The following PLCB1 variants were observed in gnomAD, a reference collection of about 807,000 sequenced individuals.
The protein encoded by PLCB1 is phospholipase C beta 1.
In PLCB1, 46 loss-of-function variants were observed where a neutral mutation model predicts 161.8. The ratio of observed to expected loss-of-function variants is 0.28; its 90% CI spans 0.22 to 0.36. The LOEUF is 0.36. Among genes scored for constraint, PLCB1 ranks in the 10% least tolerant of loss-of-function variants. The pLI is 1.00. For synonymous variants in PLCB1, 517 were observed against 503.7 expected (o/e 1.03, Z -0.35); for missense variants, 1,016 against 1,472.5 (o/e 0.69, Z 5.07).
intron 2 of PLCB1, among the ~76,000 whole-genome samples, chr20:8,356,426 A>C (rs886260922): frequency 6.6e-6 from 1 of 152,156 alleles, no homozygotes. Flanking sequence ...TAACCAGATG[A>C]TGTGATGCTG....
At chr20:8,268,209 A>G (rs1478726050) in intron 2 of PLCB1, among the ~76,000 whole-genome samples, 1 of 152,032 alleles carries the variant, frequency 6.6e-6, no homozygotes, top group East Asian at 1.9e-4. Context: ...AAGTGAGAAC[A>G]TGCGGTGTTT....
rs529531262 is a variant in PLCB1, at chr20:8,549,114, T to G, written c.247-79180T>G. Among the ~76,000 whole-genome samples, 5 of 152,258 alleles carry G rather than the reference T, an allele frequency of 3.3e-5. No individual in the cohort carries two copies. The South Asian group carries it at 1.0e-3, about 32-fold the overall frequency. On this transcript the variant is annotated intron_variant, in intron 3 of 31. Transcript: ENST00000338037. ...AACCACCATGGCACATGTATACCTATGTAACAAGCCTGCATGTTCTGCACA... is the reference window on the plus strand; with the variant it reads ...AACCACCATGGCACATGTATACCTAGGTAACAAGCCTGCATGTTCTGCACA...
intron 15 of PLCB1, among the ~76,000 whole-genome samples, chr20:8,723,662 A>G (rs1006758373): frequency 1.3e-5 from 2 of 152,192 alleles, no homozygotes; most frequent in African/African-American, 2.4e-5. Flanking sequence ...TATATGCTGT[A>G]GGAACTGATT....
chr20:8,612,101 A>G lies in PLCB1; in HGVS notation c.247-16193A>G, dbSNP rs188960474. ...GCATTTATCCCTTTGTCCTAAAAGG[A>G]TCTACGTATTTTCCTCTTCTACCAG... On this transcript the variant is annotated intron_variant, in intron 3 of 31. Coordinates refer to ENST00000338037, the MANE Select transcript of PLCB1 (RefSeq NM_015192.4). 8.0e-3 allele frequency among the ~76,000 whole-genome samples: 1,221 copies of G among 152,218 alleles called. 11 individuals are homozygous for G. Among genetic ancestry groups the G allele is most frequent in the Non-Finnish European group, 9.0e-3 (610 of 68,008 alleles).
intron 4 of PLCB1, among the ~76,000 whole-genome samples, chr20:8,642,612 A>G (rs1318450736): frequency 6.6e-6 from 1 of 152,258 alleles, no homozygotes; most frequent in African/African-American, 2.4e-5. Context: ...ATATTAAAAA[A>G]TAGGACCTTT....
rs1983595733 is a variant in PLCB1 at position 8,788,478 on chromosome 20, A to G, written c.3141A>G (p.Glu1047=). 3.1e-6 allele frequency: 5 copies of G among 1,613,794 alleles called. No individual in the cohort carries two copies. Among genetic ancestry groups the G allele is most frequent in the Non-Finnish European group, 4.2e-6 (5 of 1,179,912 alleles). ...LLIQKLTDVA[E]ECQNNQLKKL... ...TTCAAAAGTTGACGGATGTCGCAGA[A>G]GAGTGTCAGAACAATCAGTTAAAGA... Residue 1047 remains glutamate (E), a synonymous_variant, in exon 28 of 32, where the codon GAA becomes GAG. Coordinates refer to ENST00000338037, the MANE Select transcript of PLCB1 (RefSeq NM_015192.4).
chr20:8,147,665 T>C (rs1445635128), intron 1 of PLCB1, among the ~76,000 whole-genome samples: 2 of 152,166 alleles, frequency 1.3e-5, no homozygotes, highest in Non-Finnish European at 2.9e-5. Flanking sequence ...GATCTTGGAA[T>C]GTTAGAGGTG....
intron 2 of PLCB1, among the ~76,000 whole-genome samples, chr20:8,256,562 C>T (rs1981428716): frequency 6.6e-6 from 1 of 152,072 alleles, no homozygotes; most frequent in Non-Finnish European, 1.5e-5. Flanking sequence ...TAGGAGGTCA[C>T]AGGCCAGCCC....
chr20:8,192,534 A>G (rs961907556), intron 2 of PLCB1, among the ~76,000 whole-genome samples: 3 of 151,608 alleles, frequency 2.0e-5, no homozygotes, highest in African/African-American at 7.3e-5. Context: ...TAAGAATGCA[A>G]CATCATCTGC....
At chr20:8,157,880 C>A (rs888890303) in intron 2 of PLCB1, among the ~76,000 whole-genome samples, 3 of 152,176 alleles carry the variant, frequency 2.0e-5, no homozygotes, top group Non-Finnish European at 2.9e-5. Context: ...TCATTATGGG[C>A]ATAACAACAG....
At chr20:8,162,531 C>T (rs2051636670) in intron 2 of PLCB1, among the ~76,000 whole-genome samples, 1 of 152,184 alleles carries the variant, frequency 6.6e-6, no homozygotes, top group Non-Finnish European at 1.5e-5. Flanking sequence ...CCTTTCATCA[C>T]CTCTACATGA....
At chr20:8,732,624 G>GAATTAGA (rs11472797) in intron 18 of PLCB1, among the ~76,000 whole-genome samples, 48,400 of 142,472 alleles carry the variant, frequency 0.34, 8,630 homozygotes, top group East Asian at 0.5. Context: ...TTAGATATTA[G>GAATTAGA]AATTAGAAAT....
intron 9 of PLCB1, among the ~76,000 whole-genome samples, chr20:8,659,714 A>AG (rs1989568735): frequency 6.6e-6 from 1 of 152,104 alleles, no homozygotes. Flanking sequence ...AAATGGGCCC[A>AG]GGCACTGTGG....
intron 2 of PLCB1, among the ~76,000 whole-genome samples, chr20:8,344,097 A>G (rs1231073250): frequency 1.3e-5 from 2 of 152,096 alleles, no homozygotes; most frequent in East Asian, 1.9e-4. Context: ...ATCTCATGCC[A>G]TTTCTTTTCC....
intron 3 of PLCB1, among the ~76,000 whole-genome samples, chr20:8,388,149 C>T (rs988493541): frequency 3.9e-5 from 6 of 151,974 alleles, no homozygotes; most frequent in Non-Finnish European, 8.8e-5. Flanking sequence ...TTTATGGAGA[C>T]TTCACTTTGG....
intron 2 of PLCB1, among the ~76,000 whole-genome samples, chr20:8,210,462 T>C (rs529817494): frequency 6.6e-5 from 10 of 152,232 alleles, no homozygotes; most frequent in Non-Finnish European, 7.4e-5. Context: ...ATCTGAGAAA[T>C]TGGAAACAAC....
At chr20:8,271,186 A>C (rs994889244) in intron 2 of PLCB1, among the ~76,000 whole-genome samples, 3 of 152,138 alleles carry the variant, frequency 2.0e-5, no homozygotes, top group Non-Finnish European at 2.9e-5. Flanking sequence ...TGCCTAGAAG[A>C]AATGTGGGAA....
intron 3 of PLCB1, among the ~76,000 whole-genome samples, chr20:8,499,071 C>T (rs1454311310): frequency 3.9e-5 from 6 of 152,202 alleles, no homozygotes; most frequent in Non-Finnish European, 8.8e-5. Context: ...CTTTCTATCA[C>T]TGGAGTGATA....
chr20:8,763,877 A>G (rs947520352), intron 25 of PLCB1, among the ~76,000 whole-genome samples: 1 of 152,070 alleles, frequency 6.6e-6, no homozygotes, highest in Non-Finnish European at 1.5e-5. Flanking sequence ...TGGGATAAAA[A>G]AATCAGCCAG....
Sources: gnomAD v4.1 joint callset for allele counts (sites outside exome capture counted in the v4.1 genomes callset) on GRCh38, gnomAD v4.1.1 for gene constraint, MANE v1.5 for transcripts, NCBI Gene and HGNC (gene_info 2026-07-23, HGNC 2026-07-21) for gene names.